RTL4: variants seen among roughly 807,000 people sequenced by gnomAD.
RTL4 encodes the protein retrotransposon Gag like 4, also known as retrotransposon Gag-like protein 4.
RTL4 carries 4 observed loss-of-function variants against 5.3 expected under a neutral mutation model. That is an observed-to-expected ratio of 0.75 (90% CI 0.37 to 1.72). The LOEUF (loss-of-function observed/expected upper bound fraction) is 1.72, where lower values mean the gene tolerates loss of function less well. Among genes scored for constraint, RTL4 ranks in the 40% most tolerant of loss-of-function variants. RTL4 has a pLI of 0.04. For missense variants in RTL4, 260 were observed against 227.1 expected, an observed-to-expected ratio of 1.14 and a Z score of -0.93; for synonymous variants, 98 against 87.3, an observed-to-expected ratio of 1.12 and a Z score of -0.68.
chrX:112,371,394 T>C, the RTL4 span, among the ~76,000 whole-genome samples: 2 of 111,184 alleles, frequency 1.8e-5, no homozygotes, highest in African/African-American at 6.5e-5. Context: ...GAATGCAGTA[T>C]TCTAATGGAA....
the RTL4 span, among the ~76,000 whole-genome samples, chrX:112,109,009 A>G: frequency 9.1e-6 from 1 of 110,036 alleles, no homozygotes; most frequent in Non-Finnish European, 1.9e-5. Flanking sequence ...AGCAGATGGT[A>G]TCTCTCTTCA....
At chrX:112,102,759 A>C in the RTL4 span, among the ~76,000 whole-genome samples, 4 of 112,196 alleles carry the variant, frequency 3.6e-5, no homozygotes, top group African/African-American at 1.3e-4. Context: ...CCCCATTAAA[A>C]AGTGGGCAAA....
At chrX:112,311,058 T>C in the RTL4 span, among the ~76,000 whole-genome samples, 1 of 107,317 alleles carries the variant, frequency 9.3e-6, no homozygotes, top group Non-Finnish European at 1.9e-5. Context: ...ACTAGGCCTG[T>C]GTAAGTAGCT....
the RTL4 span, among the ~76,000 whole-genome samples, chrX:112,220,496 G>A: frequency 2.7e-5 from 3 of 112,547 alleles, no homozygotes; most frequent in Admixed American, 9.4e-5. Context: ...GACATGCCCC[G>A]GAGACATTTT....
At chrX:112,327,503 A>G in the RTL4 span, among the ~76,000 whole-genome samples, 2 of 110,063 alleles carry the variant, frequency 1.8e-5, no homozygotes, top group African/African-American at 6.6e-5. Flanking sequence ...ATATGGGACT[A>G]TGTGAAAAGA....
the RTL4 span, among the ~76,000 whole-genome samples, chrX:112,148,327 C>CAAAAA: frequency 4.8e-5 from 3 of 62,249 alleles, no homozygotes; most frequent in African/African-American, 1.5e-4. Context: ...TGACTGAGTG[C>CAAAAA]AAAAAAAAAA....
At chrX:112,354,371 G>A in the RTL4 span, among the ~76,000 whole-genome samples, 2 of 111,102 alleles carry the variant, frequency 1.8e-5, no homozygotes. Flanking sequence ...CTTCCTCATT[G>A]GGTTGTCATG....
the RTL4 span, among the ~76,000 whole-genome samples, chrX:112,389,329 T>C: frequency 2.4e-5 from 2 of 84,008 alleles, no homozygotes; most frequent in Non-Finnish European, 4.3e-5. Flanking sequence ...ATGTTAATTT[T>C]CTCAAAAAAA....
chrX:112,399,302 T>C, the RTL4 span, among the ~76,000 whole-genome samples: 1 of 111,894 alleles, frequency 8.9e-6, no homozygotes, highest in Admixed American at 9.5e-5. Flanking sequence ...TTTTCTCTAT[T>C]GTTTTTCTAT....
the RTL4 span, among the ~76,000 whole-genome samples, chrX:112,178,832 C>T: frequency 9.0e-6 from 1 of 111,152 alleles, no homozygotes; most frequent in Non-Finnish European, 1.9e-5. Context: ...CCCCTCTGAC[C>T]ACACACCTCT....
the RTL4 span, among the ~76,000 whole-genome samples, chrX:112,156,200 A>T: frequency 8.9e-6 from 1 of 112,569 alleles, no homozygotes; most frequent in Admixed American, 9.4e-5. Flanking sequence ...AGAGACAGCA[A>T]TGTCCTTACT....
chrX:112,191,568 A>G, the RTL4 span, among the ~76,000 whole-genome samples: 15 of 111,927 alleles, frequency 1.3e-4, no homozygotes, highest in Non-Finnish European at 2.6e-4. Context: ...GGCATTAAGT[A>G]TCTTAAGCAC....
chrX:112,441,184 C>CT, the RTL4 span, among the ~76,000 whole-genome samples: 101 of 110,578 alleles, frequency 9.1e-4, no homozygotes, highest in African/African-American at 3.1e-3. Context: ...ATAGGAACCT[C>CT]TTTTTTTTAA....
upstream of RTL4, among the ~76,000 whole-genome samples, chrX:112,451,828 C>A (rs1055813709): frequency 1.8e-5 from 2 of 111,239 alleles, no homozygotes; most frequent in Admixed American, 9.6e-5. Flanking sequence ...TATTTGAGAG[C>A]CAATCTTCTA....
chrX:112,209,473 C>T, the RTL4 span, among the ~76,000 whole-genome samples: 1 of 111,950 alleles, frequency 8.9e-6, no homozygotes, highest in Non-Finnish European at 1.9e-5. Context: ...TGTCCACTTT[C>T]GGGTGGACCC....
the RTL4 span, among the ~76,000 whole-genome samples, chrX:112,345,901 A>G: frequency 3.6e-5 from 4 of 111,720 alleles, no homozygotes; most frequent in Non-Finnish European, 7.5e-5. Flanking sequence ...AAACCAAGAC[A>G]GGAATTTGAT....
chrX:112,129,377 CA>C, the RTL4 span, among the ~76,000 whole-genome samples: 3 of 112,152 alleles, frequency 2.7e-5, no homozygotes, highest in African/African-American at 9.7e-5. Context: ...TTTACCCACA[CA>C]AAAACTTTTA....
chrX:112,092,494 C>T, the RTL4 span, among the ~76,000 whole-genome samples: 1 of 111,803 alleles, frequency 8.9e-6, no homozygotes, highest in Middle Eastern at 4.6e-3. Flanking sequence ...ACTCCCATAT[C>T]TATTCACTTA....
the RTL4 span, among the ~76,000 whole-genome samples, chrX:112,370,212 CA>C: frequency 9.0e-6 from 1 of 111,021 alleles, no homozygotes; most frequent in Non-Finnish European, 1.9e-5. Context: ...CATTAATAGG[CA>C]AAAGCCTCTT....
Sources: allele counts gnomAD v4.1 joint callset (sites outside exome capture counted in the v4.1 genomes callset), GRCh38; gene constraint gnomAD v4.1.1; transcripts MANE v1.5; gene names NCBI Gene and HGNC (gene_info 2026-07-23, HGNC 2026-07-21).